ANKRD46: variants seen among roughly 807,000 people sequenced by gnomAD.
The protein encoded by ANKRD46 is ankyrin repeat domain-containing protein 46.
In ANKRD46, 13 loss-of-function variants were observed where a neutral mutation model predicts 19.8. That is an observed-to-expected ratio of 0.66 (90% CI 0.43 to 1.04). ANKRD46 has a LOEUF of 1.04. Among genes scored for constraint, ANKRD46 ranks in the 50% least tolerant of loss-of-function variants. The pLI is 0.00. For missense variants in ANKRD46, 185 were observed against 274.8 expected (o/e 0.67, Z 2.31); for synonymous variants, 91 against 106.9 (o/e 0.85, Z 0.92).
rs148322681 is a variant in ANKRD46, at chr8:100,527,337, C to A, written c.470+508G>T. ...CTTGTTTTCTTGTTTCTCAGCATTC[C>A]ACTTCCCTACCCTTGAAACTACCTT... On this transcript the variant is annotated intron_variant, in intron 4 of 4. Coordinates refer to ENST00000335659, the MANE Select transcript of ANKRD46 (RefSeq NM_001270377.2). The surrounding 1 kb of genome is among the most constrained non-coding windows in gnomAD (Gnocchi z 4.0). 6.6e-6 allele frequency among the ~76,000 whole-genome samples: 1 copy of A among 152,282 alleles called. No individual in the cohort carries two copies. Among genetic ancestry groups the A allele is most frequent in the East Asian group, 1.9e-4 (1 of 5,182 alleles).
chr8:100,526,905 G>A (rs2130651599), intron 4 of ANKRD46, among the ~76,000 whole-genome samples: 1 of 152,122 alleles, frequency 6.6e-6, no homozygotes, highest in South Asian at 2.1e-4. Flanking sequence ...CAGCTGATGT[G>A]GGCCCTTGCT....
At chr8:100,547,505 T>C (rs1009094065) in intron 1 of ANKRD46, among the ~76,000 whole-genome samples, 6 of 152,162 alleles carry the variant, frequency 3.9e-5, no homozygotes, top group African/African-American at 1.4e-4. Context: ...ATAAATTCTT[T>C]AGAGCAGCGT....
intron 1 of ANKRD46, chr8:100,551,613 T>C: frequency 1.4e-6 from 1 of 739,578 alleles, no homozygotes; most frequent in Admixed American, 1.8e-5. Context: ...GAAGGGTCAT[T>C]GATGGTGACA....
chr8:100,538,349 C>T (rs561064939), intron 1 of ANKRD46, among the ~76,000 whole-genome samples: 2 of 152,230 alleles, frequency 1.3e-5, no homozygotes, highest in South Asian at 2.1e-4. Flanking sequence ...ATACTGAACA[C>T]GTATGTACAG....
intron 1 of ANKRD46, among the ~76,000 whole-genome samples, chr8:100,542,715 G>GCCTA (rs1027540464): frequency 1.7e-4 from 26 of 152,150 alleles, no homozygotes; most frequent in African/African-American, 6.3e-4. Flanking sequence ...AGGTTTTCTA[G>GCCTA]CCTAGTTCAT....
intron 1 of ANKRD46, among the ~76,000 whole-genome samples, chr8:100,542,904 C>T (rs565870282): frequency 1.3e-5 from 2 of 151,994 alleles, no homozygotes; most frequent in Non-Finnish European, 2.9e-5. Context: ...CATAAGACAG[C>T]GAATTACAGC....
Position 100,521,492 on chromosome 8 carries a change from T to C in ANKRD46, c.*1063A>G. ...GGGCCAGATTTCAATTTACATAATA[T>C]TACCATTCATAAAGAGTTTATGACA... On this transcript the variant is annotated 3_prime_UTR_variant, in exon 5 of 5. Coordinates refer to ENST00000335659, the MANE Select transcript of ANKRD46 (RefSeq NM_001270377.2). 3.0e-6 allele frequency: 3 copies of C among 985,422 alleles called. No individual in the cohort carries two copies. The highest frequency in any genetic ancestry group is 4.7e-5 in the South Asian group (1 of 21,288). 61.0% of individuals were successfully genotyped at this position (985,422 alleles called of 1,614,324 possible). A position where few individuals can be genotyped will look rare whatever the true frequency, so the allele number is the denominator to read the frequency against.
chr8:100,538,337 C>T (rs1260307682), intron 1 of ANKRD46, among the ~76,000 whole-genome samples: 1 of 152,166 alleles, frequency 6.6e-6, no homozygotes, highest in Non-Finnish European at 1.5e-5. Context: ...AAAATTGCAT[C>T]TATACTGAAC....
chr8:100,526,817 C>G (rs1563927013), intron 4 of ANKRD46, among the ~76,000 whole-genome samples: 1 of 152,268 alleles, frequency 6.6e-6, no homozygotes, highest in East Asian at 1.9e-4. Flanking sequence ...TTAGAACTCA[C>G]AGAAACAATG....
chr8:100,538,011 G>A (rs1253976517), intron 1 of ANKRD46, among the ~76,000 whole-genome samples: 3 of 152,088 alleles, frequency 2.0e-5, no homozygotes, highest in Non-Finnish European at 4.4e-5. Context: ...TAAAATTCCT[G>A]CCAGAATATG....
rs1488445422 is a variant in ANKRD46 at position 100,557,907 on chromosome 8, G to C, written c.-131+1804C>G. Among the ~76,000 whole-genome samples the C allele has an allele frequency of 6.6e-6, 1 of 151,966 alleles. No individual in the cohort carries two copies. Among genetic ancestry groups the C allele is most frequent in the African/African-American group, 2.4e-5 (1 of 41,340 alleles). ...CTTTGCTACTTTATTTTTATTCCTA[G>C]TAACTGTTACCATCTGACTCCAGAT... is the stretch of plus-strand genomic sequence containing the variant. On this transcript the variant is annotated intron_variant, in intron 1 of 4. Transcript: ENST00000335659. The surrounding 1 kb of genome is among the most constrained non-coding windows in gnomAD (Gnocchi z 5.9).
In ANKRD46 at chr8:100,545,072, C is replaced by T. The variant is rs116070318; in HGVS notation, c.-130-11761G>A. Among the ~76,000 whole-genome samples the T allele has an allele frequency of 1.3e-5, 2 of 152,170 alleles. No homozygotes were observed. Among genetic ancestry groups the T allele is most frequent in the Admixed American group, 6.5e-5 (1 of 15,290 alleles). On this transcript the variant is annotated intron_variant, in intron 1 of 4. Transcript: ENST00000335659. The surrounding 1 kb of genome is among the most constrained non-coding windows in gnomAD (Gnocchi z 4.7). ...GGGTGTGCTGACTCATGCCTGAAAT[C>T]CCAGCACTTTTGGAGGCAGAGGTGG...
rs1035300507 is a variant in ANKRD46, at chr8:100,536,351, C to T, written c.-130-3040G>A. On this transcript the variant is annotated intron_variant, in intron 1 of 4. Coordinates refer to ENST00000335659, the MANE Select transcript of ANKRD46 (RefSeq NM_001270377.2). This position sits in a 1 kb window ranked among gnomAD's most constrained non-coding sequence, Gnocchi z 4.9. ...CTCTTAGGAGTGTACCATAGAGAGA[C>T]AATTTTCTTGTCAGATGCTGTTAAA... Among the ~76,000 whole-genome samples, 7 of 152,172 alleles carry T rather than the reference C, an allele frequency of 4.6e-5. No homozygotes were observed. Among genetic ancestry groups the T allele is most frequent in the African/African-American group, 1.7e-4 (7 of 41,534 alleles).
chr8:100,530,010 G>T, intron 2 of ANKRD46, 150 bp from the exon 3 acceptor site: 2 of 578,614 alleles, frequency 3.5e-6, no homozygotes, highest in Non-Finnish European at 3.0e-6. Context: ...GTTATCAATT[G>T]TATTTTATTT....
rs1039366514 is a variant in ANKRD46 at position 100,524,909 on chromosome 8, C to T, written c.471-2138G>A. ...TGTGTGTATAATCTTTTTTTAAAAACGTGATATCTACACTGTCTTTGGGGG... is the reference window on the plus strand; with the variant it reads ...TGTGTGTATAATCTTTTTTTAAAAATGTGATATCTACACTGTCTTTGGGGG... On this transcript the variant is annotated intron_variant, in intron 4 of 4. Coordinates refer to ENST00000335659, the MANE Select transcript of ANKRD46 (RefSeq NM_001270377.2). The surrounding 1 kb of genome is among the most constrained non-coding windows in gnomAD (Gnocchi z 4.3). Among the ~76,000 whole-genome samples, 5 of 150,370 alleles carry T rather than the reference C, an allele frequency of 3.3e-5. No homozygotes were observed. The highest frequency in any genetic ancestry group is 7.4e-5 in the Non-Finnish European group (5 of 67,450).
rs1469843297 is a variant in ANKRD46 at position 100,511,181 on chromosome 8, A to G, written c.637-542T>C. On this transcript the variant is annotated intron_variant, in intron 5 of 5. Transcript: ENST00000520552. The surrounding 1 kb of genome is among the most constrained non-coding windows in gnomAD (Gnocchi z 4.1). The stretch of plus-strand genomic sequence containing the variant: ...TAGCATTACTATTCCCATGTAACAG[A>G]TGAGCTGAGTCAGGAATATCCCCAT... 4.6e-5 allele frequency among the ~76,000 whole-genome samples: 7 copies of G among 152,182 alleles called. No homozygotes were observed. The highest frequency in any genetic ancestry group is 1.5e-5 in the Non-Finnish European group (1 of 68,028).
chr8:100,516,080 C>T (rs1378558464), downstream of ANKRD46, among the ~76,000 whole-genome samples: 2 of 152,176 alleles, frequency 1.3e-5, no homozygotes, highest in African/African-American at 4.8e-5. Context: ...CCACATTGGT[C>T]AGGCTGGTCT....
intron 1 of ANKRD46, among the ~76,000 whole-genome samples, chr8:100,548,571 G>C (rs1262589093): frequency 6.6e-6 from 1 of 152,116 alleles, no homozygotes; most frequent in African/African-American, 2.4e-5. Flanking sequence ...GAGTTGTCTT[G>C]TTCCACACTA....
rs1812000871 is a variant in ANKRD46 at position 100,533,248 on chromosome 8, C to G, written c.-67G>C. 1 of 152,220 alleles carries G rather than the reference C, an allele frequency of 6.6e-6. No homozygotes were observed. The highest frequency in any genetic ancestry group is 2.4e-5 in the African/African-American group (1 of 41,454). 9.4% of individuals were successfully genotyped at this position (152,220 alleles called of 1,614,324 possible). Reference sequence around the variant, plus strand: ...TAGATCTTTTCGTTCAGTGGTCACTCAGCAGTTTCTCTGAATTCTCAAGAA... The same window carrying G: ...TAGATCTTTTCGTTCAGTGGTCACTGAGCAGTTTCTCTGAATTCTCAAGAA... On this transcript the variant is annotated 5_prime_UTR_variant, in exon 2 of 5. Coordinates refer to ENST00000335659, the MANE Select transcript of ANKRD46 (RefSeq NM_001270377.2).
Sources: gnomAD v4.1 joint callset for allele counts (sites outside exome capture counted in the v4.1 genomes callset) on GRCh38, gnomAD v4.1.1 for gene constraint, Gnocchi (gnomAD v3.1) non-coding constraint, MANE v1.5 for transcripts, NCBI Gene and HGNC (gene_info 2026-07-23, HGNC 2026-07-21) for gene names.